The following MAP4 variants were observed in gnomAD, a reference collection of about 807,000 sequenced individuals.
The protein encoded by MAP4 is microtubule-associated protein 4.
MAP4 carries 76 observed loss-of-function variants against 170.2 expected under a neutral mutation model. The observed-to-expected ratio is 0.45, with a 90% CI of 0.37 to 0.54. The LOEUF (loss-of-function observed/expected upper bound fraction) is 0.54, where lower values mean the gene tolerates loss of function less well. Ranked by LOEUF, MAP4 falls within the 20% of genes least tolerant of loss-of-function variation. MAP4 has a pLI of 0.00. For missense variants in MAP4, 2,506 were observed against 2,748.0 expected, an observed-to-expected ratio of 0.91 and a Z score of 1.97; for synonymous variants, 909 against 994.5, an observed-to-expected ratio of 0.91 and a Z score of 1.62.
rs1333184083 is a variant in MAP4 at position 47,915,932 on chromosome 3, A to G, written c.1876+19T>C. The G allele has an allele frequency of 6.3e-7, 1 of 1,587,608 alleles. No individual in the cohort carries two copies. Among genetic ancestry groups the G allele is most frequent in the Non-Finnish European group, 8.6e-7 (1 of 1,168,318 alleles). On this transcript the variant is annotated intron_variant, in intron 7 of 20. Transcript: ENST00000683076. ...CAACCTGGTAGAGAGAAATACTGAG[A>G]ATAAGCACAAGCACGTACCTGGTGA...
chr3:48,074,416 C>A (rs1383962941), intron 1 of MAP4, among the ~76,000 whole-genome samples: 2 of 150,568 alleles, frequency 1.3e-5, no homozygotes, highest in Non-Finnish European at 3.0e-5. Context: ...ATGTAACAAA[C>A]CTGCACATTG....
chr3:48,006,072 T>C (rs979453754), intron 1 of MAP4, among the ~76,000 whole-genome samples: 1 of 152,168 alleles, frequency 6.6e-6, no homozygotes. Context: ...GCCTACTGCA[T>C]TCCCACTTAA....
At chr3:47,944,704 T>A (rs1185564396) in intron 3 of MAP4, among the ~76,000 whole-genome samples, 1 of 151,930 alleles carries the variant, frequency 6.6e-6, no homozygotes, top group Non-Finnish European at 1.5e-5. Flanking sequence ...TTTCTCCCCC[T>A]CTGGCTATGA....
chr3:48,040,293 G>A (rs891719439), intron 1 of MAP4, among the ~76,000 whole-genome samples: 4 of 151,580 alleles, frequency 2.6e-5, no homozygotes, highest in Non-Finnish European at 5.9e-5. Context: ...TTTTGAGACG[G>A]CATCTTGCTC....
At chr3:48,082,740 G>A (rs1008239823) in intron 1 of MAP4, among the ~76,000 whole-genome samples, 2 of 150,804 alleles carry the variant, frequency 1.3e-5, no homozygotes, top group East Asian at 1.9e-4. Flanking sequence ...AGAGGTTGCC[G>A]TGAGCCAAGA....
chr3:47,854,312 C>A (rs148949564), intron 19 of MAP4, among the ~76,000 whole-genome samples: 1 of 152,054 alleles, frequency 6.6e-6, no homozygotes, highest in African/African-American at 2.4e-5. Context: ...ATGGGGGGCA[C>A]GAACTGAGAG....
intron 1 of MAP4, among the ~76,000 whole-genome samples, chr3:48,002,241 C>G (rs1387441946): frequency 1.4e-4 from 12 of 84,694 alleles, no homozygotes; most frequent in Non-Finnish European, 2.5e-4. Flanking sequence ...ACTCTAGTCT[C>G]AAAAAGAAAA....
chr3:47,966,228 C>CT (rs757460367), intron 3 of MAP4, among the ~76,000 whole-genome samples: 1,205 of 50,238 alleles, frequency 0.024, 320 homozygotes, highest in East Asian at 0.051. Flanking sequence ...CCCACACTAC[C>CT]TTTTTTTTTT....
At chr3:48,028,723 G>A (rs2100114348) in intron 1 of MAP4, among the ~76,000 whole-genome samples, 1 of 151,308 alleles carries the variant, frequency 6.6e-6, no homozygotes. Flanking sequence ...AGTGAGCCAA[G>A]ATTGCGCCAC....
chr3:47,977,809 G>A (rs553623909), intron 3 of MAP4, 56 bp downstream of exon 3: 1 of 1,117,386 alleles, frequency 8.9e-7, no homozygotes, highest in Admixed American at 1.7e-5. Context: ...AGATTATCAA[G>A]GTGTTCATTG....
intron 2 of MAP4, chr3:47,987,306 A>C: frequency 9.2e-7 from 1 of 1,088,430 alleles, no homozygotes; most frequent in South Asian, 1.6e-5. Context: ...AATAAGTGTA[A>C]GATAACAAAT....
intron 10 of MAP4, chr3:47,891,791 AG>A (rs1382561596): frequency 6.5e-7 from 1 of 1,536,332 alleles, no homozygotes; most frequent in Non-Finnish European, 8.7e-7. Flanking sequence ...TAGAGACACC[AG>A]GAGTGGGGAC....
intron 17 of MAP4, among the ~76,000 whole-genome samples, chr3:47,866,032 G>C (rs2078985300): frequency 6.6e-6 from 1 of 152,154 alleles, no homozygotes. Flanking sequence ...GAAGAGGAAA[G>C]AGGACAAAAA....
rs141058933 is a variant in MAP4 at position 48,033,693 on chromosome 3, G to A, written c.-19-34814C>T. ...TCAGCTCACTGCAACCTCCGCCTCC[G>A]AGGTTCAAGTGATTCTCCTGCCTCA... On this transcript the variant is annotated intron_variant, in intron 1 of 18. Transcript: ENST00000360240. Among the ~76,000 whole-genome samples the A allele has an allele frequency of 3.2e-3, 484 of 152,092 alleles. 1 individual carries two copies. The highest frequency in any genetic ancestry group is 5.1e-3 in the Non-Finnish European group (347 of 67,966).
intron 10 of MAP4, among the ~76,000 whole-genome samples, chr3:47,884,933 T>C (rs1474057712): frequency 2.6e-5 from 4 of 152,106 alleles, no homozygotes; most frequent in Non-Finnish European, 5.9e-5. Flanking sequence ...TTGCTGGTGA[T>C]GTGGGCGGAC....
chr3:47,906,222 A>T (rs1028812315), intron 9 of MAP4, among the ~76,000 whole-genome samples: 2 of 152,138 alleles, frequency 1.3e-5, no homozygotes, highest in Non-Finnish European at 2.9e-5. Flanking sequence ...TGGAACACCC[A>T]TCAAAATTAT....
intron 1 of MAP4, among the ~76,000 whole-genome samples, chr3:48,004,939 G>A (rs1579143605): frequency 6.6e-6 from 1 of 152,084 alleles, no homozygotes; most frequent in African/African-American, 2.4e-5. Flanking sequence ...TGCCAGGCAA[G>A]ATAATGTTGA....
chr3:47,989,568 T>C (rs1478640503), intron 2 of MAP4, among the ~76,000 whole-genome samples: 1 of 152,042 alleles, frequency 6.6e-6, no homozygotes, highest in Non-Finnish European at 1.5e-5. Context: ...TAGAATAAAA[T>C]AAAATGAAAG....
chr3:48,034,651 T>C (rs2100117889), intron 1 of MAP4, among the ~76,000 whole-genome samples: 1 of 151,810 alleles, frequency 6.6e-6, no homozygotes, highest in African/African-American at 2.4e-5. Context: ...TGCAGTGAGC[T>C]GAGATCATGC....
Sources: allele counts gnomAD v4.1 joint callset (sites outside exome capture counted in the v4.1 genomes callset), GRCh38; gene constraint gnomAD v4.1.1; transcripts MANE v1.5; gene names NCBI Gene and HGNC (gene_info 2026-07-23, HGNC 2026-07-21).